The following TENM1 variants were observed in gnomAD, a reference collection of about 807,000 sequenced individuals.
The protein encoded by TENM1 is teneurin transmembrane protein 1.
Under a neutral mutation model 174.8 loss-of-function variants are expected in TENM1, and 35 were observed. That is an observed-to-expected ratio of 0.20 (90% CI 0.15 to 0.27). The LOEUF (loss-of-function observed/expected upper bound fraction) is 0.27, where lower values mean the gene tolerates loss of function less well. Ranked by LOEUF, TENM1 falls within the 10% of genes least tolerant of loss-of-function variation. The pLI, the probability that TENM1 is intolerant of heterozygous loss-of-function variation, is 1.00. For synonymous variants in TENM1, 781 were observed against 798.7 expected, an observed-to-expected ratio of 0.98 and a Z score of 0.37; for missense variants, 1,633 against 2,130.1, an observed-to-expected ratio of 0.77 and a Z score of 4.59.
At chrX:124,718,997 C>A (rs1442543963) in intron 4 of TENM1, among the ~76,000 whole-genome samples, 3 of 111,640 alleles carry the variant, frequency 2.7e-5, no homozygotes, top group Non-Finnish European at 5.6e-5. Flanking sequence ...TCCTGACAGT[C>A]TACCTCCTTA....
At chrX:125,029,497 A>G in the TENM1 span, among the ~76,000 whole-genome samples, 1 of 111,509 alleles carries the variant, frequency 9.0e-6, no homozygotes, top group Admixed American at 9.6e-5. Flanking sequence ...AAAGTGGTGC[A>G]GCAATGTGCC....
intron 4 of TENM1, among the ~76,000 whole-genome samples, chrX:124,715,705 G>A (rs1454312797): frequency 3.8e-5 from 4 of 104,611 alleles, no homozygotes; most frequent in South Asian, 8.8e-4. Flanking sequence ...GCCCAGGCTC[G>A]GTGCAAAGGC....
At chrX:124,923,963 T>C (rs953453886) in intron 1 of TENM1, among the ~76,000 whole-genome samples, 22 of 112,649 alleles carry the variant, frequency 2.0e-4, no homozygotes, top group African/African-American at 6.7e-4. Context: ...CACATTTGTG[T>C]TGTTTTAAGC....
intron 3 of TENM1, among the ~76,000 whole-genome samples, chrX:124,840,877 T>C (rs1355162292): frequency 8.9e-6 from 1 of 111,952 alleles, no homozygotes; most frequent in Non-Finnish European, 1.9e-5. Context: ...CATTATAATT[T>C]TACTTAGACA....
At chrX:124,398,629 TTTC>T (rs1190362047) in intron 27 of TENM1, among the ~76,000 whole-genome samples, 2 of 100,777 alleles carry the variant, frequency 2.0e-5, no homozygotes, top group South Asian at 4.2e-4. Context: ...ATTTTCTTTT[TTTC>T]TTTTTTTTTA....
intron 3 of TENM1, among the ~76,000 whole-genome samples, chrX:124,819,879 T>A (rs1439777000): frequency 3.7e-5 from 4 of 108,533 alleles, no homozygotes; most frequent in African/African-American, 1.4e-4. Flanking sequence ...CGCTGCAACC[T>A]CTGCCTCCTG....
chrX:124,385,209 T>C (rs1448204966), intron 29 of TENM1, among the ~76,000 whole-genome samples: 2 of 111,997 alleles, frequency 1.8e-5, no homozygotes, highest in Non-Finnish European at 3.8e-5. Flanking sequence ...AGTCAGAGGG[T>C]CAGGTTTTGA....
At chrX:124,772,700 AAAG>A (rs2054685710) in intron 3 of TENM1, among the ~76,000 whole-genome samples, 1 of 111,810 alleles carries the variant, frequency 8.9e-6, no homozygotes, top group South Asian at 3.7e-4. Flanking sequence ...CTGTGCCATA[AAAG>A]AAGATTTTCA....
intron 23 of TENM1, among the ~76,000 whole-genome samples, chrX:124,434,429 C>T (rs1460953999): frequency 8.9e-6 from 1 of 111,971 alleles, no homozygotes; most frequent in African/African-American, 3.2e-5. Context: ...ATCTTCACTT[C>T]CTCTAGAGAC....
At chrX:124,588,402 GA>G (rs1182275549) in intron 11 of TENM1, among the ~76,000 whole-genome samples, 1 of 111,408 alleles carries the variant, frequency 9.0e-6, no homozygotes, top group Non-Finnish European at 1.9e-5. Flanking sequence ...GGACGTGGAT[GA>G]AATTGGAAAT....
At chrX:124,634,444 T>C (rs2050830898) in intron 11 of TENM1, among the ~76,000 whole-genome samples, 1 of 111,723 alleles carries the variant, frequency 9.0e-6, no homozygotes, top group Non-Finnish European at 1.9e-5. Flanking sequence ...TGTCTCTTTG[T>C]CTACTGAAGA....
chrX:124,701,063 T>C (rs145717861), intron 5 of TENM1, among the ~76,000 whole-genome samples: 24 of 111,680 alleles, frequency 2.1e-4, no homozygotes, highest in Middle Eastern at 4.6e-3. Flanking sequence ...ATATTGTTAA[T>C]ATCCATTGTG....
At chrX:124,714,515 T>C (rs1219814790) in intron 4 of TENM1, among the ~76,000 whole-genome samples, 1 of 111,620 alleles carries the variant, frequency 9.0e-6, no homozygotes, top group African/African-American at 3.3e-5. Context: ...TTTATGGAAT[T>C]TGTTTTCAAC....
At chrX:124,402,367 A>T (rs902089254) in intron 27 of TENM1, among the ~76,000 whole-genome samples, 1 of 112,051 alleles carries the variant, frequency 8.9e-6, no homozygotes, top group Non-Finnish European at 1.9e-5. Context: ...AGTGATATAG[A>T]GAAGAGGGCC....
intron 3 of TENM1, among the ~76,000 whole-genome samples, chrX:124,749,979 T>C (rs1363537500): frequency 8.9e-6 from 1 of 112,158 alleles, no homozygotes; most frequent in Admixed American, 9.5e-5. Flanking sequence ...GTTACTAATA[T>C]AATTATTATT....
intron 23 of TENM1, among the ~76,000 whole-genome samples, chrX:124,446,015 A>G (rs1218195429): frequency 2.7e-5 from 3 of 112,763 alleles, no homozygotes; most frequent in Middle Eastern, 4.6e-3. Context: ...CAGTAAATCA[A>G]AAAAAGATAT....
At chrX:124,981,814 G>C in the TENM1 span, among the ~76,000 whole-genome samples, 1 of 111,233 alleles carries the variant, frequency 9.0e-6, no homozygotes, top group African/African-American at 3.3e-5. Flanking sequence ...GGAGAATATG[G>C]TTTTATAATT....
intron 3 of TENM1, among the ~76,000 whole-genome samples, chrX:124,822,820 A>G (rs1255875341): frequency 8.9e-6 from 1 of 111,982 alleles, no homozygotes; most frequent in Non-Finnish European, 1.9e-5. Context: ...GCAAGCACAC[A>G]TTTGTCATGG....
intron 11 of TENM1, among the ~76,000 whole-genome samples, chrX:124,616,450 T>C (rs1307390171): frequency 8.9e-6 from 1 of 112,537 alleles, no homozygotes; most frequent in Non-Finnish European, 1.9e-5. Context: ...TCTCTGATCC[T>C]CATTCCAGAC....
Sources: gnomAD v4.1 joint callset for allele counts (sites outside exome capture counted in the v4.1 genomes callset) on GRCh38, gnomAD v4.1.1 for gene constraint, MANE v1.5 for transcripts, NCBI Gene and HGNC (gene_info 2026-07-23, HGNC 2026-07-21) for gene names.